Variants in RFX3 observed in about 807,000 individuals in gnomAD.
RFX3 encodes regulatory factor X3.
A neutral mutation model predicts 98.6 loss-of-function variants in RFX3; 14 were observed. The ratio of observed to expected loss-of-function variants is 0.14; its 90% CI spans 0.09 to 0.22. The LOEUF is 0.22. RFX3 is among the 10% of genes least tolerant of loss of function. The pLI, the probability that RFX3 is intolerant of heterozygous loss-of-function variation, is 1.00. For synonymous variants in RFX3, 383 were observed against 328.4 expected (o/e 1.17, Z -1.80); for missense variants, 639 against 926.9 (o/e 0.69, Z 4.03).
intron 1 of RFX3, among the ~76,000 whole-genome samples, chr9:3,454,219 A>C (rs78569035): frequency 0.015 from 2,332 of 152,278 alleles, 70 homozygotes; most frequent in African/African-American, 0.053. Context: ...ATTTCAAAAA[A>C]TAAAGGTATA....
intron 15 of RFX3, among the ~76,000 whole-genome samples, chr9:3,242,421 C>A (rs930223781): frequency 6.6e-6 from 1 of 151,498 alleles, no homozygotes; most frequent in African/African-American, 2.4e-5. Flanking sequence ...TTTTTTCCTG[C>A]AAACTATCTC....
chr9:3,320,795 ATAT>A (rs1831202735), intron 4 of RFX3, among the ~76,000 whole-genome samples: 1 of 135,196 alleles, frequency 7.4e-6, no homozygotes, highest in Non-Finnish European at 1.5e-5. Context: ...ATATATATAT[ATAT>A]ATATATATAT....
At chr9:3,427,110 G>A (rs1361228968) in intron 1 of RFX3, among the ~76,000 whole-genome samples, 1 of 150,846 alleles carries the variant, frequency 6.6e-6, no homozygotes, top group Admixed American at 6.6e-5. Flanking sequence ...CAACAACTAG[G>A]CCATCTCAAG....
At chr9:3,326,496 C>T (rs1180575701) in intron 4 of RFX3, among the ~76,000 whole-genome samples, 1 of 152,106 alleles carries the variant, frequency 6.6e-6, no homozygotes, top group African/African-American at 2.4e-5. Context: ...ACCCTCTACC[C>T]TCCTCTAAAG....
intron 1 of RFX3, among the ~76,000 whole-genome samples, chr9:3,397,366 A>C (rs548783421): frequency 1.3e-5 from 2 of 152,362 alleles, no homozygotes; most frequent in South Asian, 4.1e-4. Flanking sequence ...GTTTAAATCT[A>C]TATGAAATAC....
intron 7 of RFX3, among the ~76,000 whole-genome samples, chr9:3,283,715 G>A (rs1285770413): frequency 1.3e-5 from 2 of 151,740 alleles, no homozygotes; most frequent in East Asian, 3.9e-4. Flanking sequence ...TCCTGTGAAA[G>A]AAAGGTTTAT....
At position 3,330,400 on chromosome 9, in the gene RFX3, A is replaced by G; in HGVS notation, c.333T>C (p.Ser111=). ...AQVTTVVSSH[S]MVGTGGIQMG... The stretch of plus-strand genomic sequence containing the variant: ...TCTGAATCCCACCAGTGCCCACCAT[A>G]CTGTGGGATGAGACCACGGTAGTCA... The change falls in exon 4 of 17, where the codon AGT becomes AGC. Residue 111 remains serine, a synonymous_variant. Transcript: ENST00000617270. 1 of 1,614,036 alleles carries G rather than the reference A, an allele frequency of 6.2e-7. No individual in the cohort carries two copies. The highest frequency in any genetic ancestry group is 8.5e-7 in the Non-Finnish European group (1 of 1,179,996).
intron 1 of RFX3, among the ~76,000 whole-genome samples, chr9:3,414,825 T>C (rs1008389212): frequency 1.3e-4 from 18 of 139,534 alleles, no homozygotes; most frequent in Non-Finnish European, 2.3e-4. Flanking sequence ...TATGAGTATA[T>C]ATGTATATAT....
intron 7 of RFX3, among the ~76,000 whole-genome samples, chr9:3,287,559 T>G (rs1168982594): frequency 6.6e-6 from 1 of 151,956 alleles, no homozygotes; most frequent in Admixed American, 6.6e-5. Flanking sequence ...CAGACTAGAC[T>G]GACATATTTT....
At chr9:3,444,756 T>A (rs1183472286) in intron 1 of RFX3, among the ~76,000 whole-genome samples, 1 of 152,114 alleles carries the variant, frequency 6.6e-6, no homozygotes, top group Non-Finnish European at 1.5e-5. Flanking sequence ...CAGGAGAGAA[T>A]CAGTACCCAC....
intron 2 of RFX3, among the ~76,000 whole-genome samples, chr9:3,351,797 TATTA>T (rs1563971541): frequency 1.3e-5 from 2 of 151,978 alleles, no homozygotes; most frequent in African/African-American, 2.4e-5. Context: ...AAAGGGATTA[TATTA>T]ATTAAAGACA....
At chr9:3,240,129 T>C (rs1819724122) in intron 15 of RFX3, among the ~76,000 whole-genome samples, 1 of 152,246 alleles carries the variant, frequency 6.6e-6, no homozygotes, top group South Asian at 2.1e-4. Flanking sequence ...GTCAATATTT[T>C]CTGGTATGGA....
intron 15 of RFX3, among the ~76,000 whole-genome samples, chr9:3,231,546 A>T (rs1269855291): frequency 6.6e-6 from 1 of 152,116 alleles, no homozygotes; most frequent in Non-Finnish European, 1.5e-5. Context: ...AAGGGTAGGT[A>T]GGTTAGCAGA....
chr9:3,233,405 CT>C (rs1387040650), intron 15 of RFX3, among the ~76,000 whole-genome samples: 2 of 152,198 alleles, frequency 1.3e-5, no homozygotes, highest in Non-Finnish European at 2.9e-5. Context: ...AAAGAGACCA[CT>C]GTACATTCAA....
intron 1 of RFX3, among the ~76,000 whole-genome samples, chr9:3,420,191 G>T (rs1843323134): frequency 6.6e-6 from 1 of 152,136 alleles, no homozygotes; most frequent in Non-Finnish European, 1.5e-5. Flanking sequence ...TTTTTGCACT[G>T]AAGCACACCA....
intron 4 of RFX3, among the ~76,000 whole-genome samples, chr9:3,326,999 T>C (rs1563931390): frequency 6.6e-6 from 1 of 152,180 alleles, no homozygotes; most frequent in African/African-American, 2.4e-5. Context: ...CTATAGGTTA[T>C]ATGTCGAACA....
intron 4 of RFX3, 68 bp downstream of exon 4, chr9:3,330,191 T>C (rs1832426506): frequency 1.5e-5 from 22 of 1,510,692 alleles, no homozygotes; most frequent in East Asian, 4.6e-5. Flanking sequence ...CTTTTCCCTC[T>C]ATCAAAGGAA....
intron 9 of RFX3, among the ~76,000 whole-genome samples, chr9:3,273,864 C>CAAAAAA (rs34744889): frequency 1.4e-5 from 1 of 69,498 alleles, no homozygotes. Flanking sequence ...GACTCTGTCT[C>CAAAAAA]AAAAAAAAAA....
chr9:3,281,252 G>T (rs941619334), intron 7 of RFX3, among the ~76,000 whole-genome samples: 3 of 150,948 alleles, frequency 2.0e-5, no homozygotes, highest in African/African-American at 7.3e-5. Flanking sequence ...ATGACTTGTA[G>T]ATTTTCTGAT....
Sources: gnomAD v4.1 joint callset for allele counts (sites outside exome capture counted in the v4.1 genomes callset) on GRCh38, gnomAD v4.1.1 for gene constraint, MANE v1.5 for transcripts, NCBI Gene and HGNC (gene_info 2026-07-23, HGNC 2026-07-21) for gene names.